The following THSD4 variants were observed in gnomAD, a reference collection of about 807,000 sequenced individuals.
THSD4 encodes thrombospondin type-1 domain-containing protein 4.
Under a neutral mutation model 119.0 loss-of-function variants are expected in THSD4, and 69 were observed. That is an observed-to-expected ratio of 0.58 (90% CI 0.48 to 0.71). THSD4 has a LOEUF of 0.71. THSD4 is among the 30% of genes least tolerant of loss of function. The pLI, the probability that THSD4 is intolerant of heterozygous loss-of-function variation, is 0.00. For synonymous variants in THSD4, 524 were observed against 540.4 expected, an observed-to-expected ratio of 0.97 and a Z score of 0.42; for missense variants, 1,393 against 1,391.1, an observed-to-expected ratio of 1.00 and a Z score of -0.02.
intron 7 of THSD4, among the ~76,000 whole-genome samples, chr15:71,630,271 A>G (rs11631031): frequency 0.79 from 119,476 of 152,046 alleles, 48,419 homozygotes; most frequent in Middle Eastern, 0.88. Flanking sequence ...GGGAGGGGAA[A>G]CGGGGATGCT....
At chr15:71,323,742 A>G (rs1297950713) in intron 6 of THSD4, among the ~76,000 whole-genome samples, 1 of 152,188 alleles carries the variant, frequency 6.6e-6, no homozygotes, top group Non-Finnish European at 1.5e-5. Context: ...GACTCTTAGA[A>G]ACAGACACAG....
chr15:71,595,345 GA>G (rs1326098299), intron 7 of THSD4, among the ~76,000 whole-genome samples: 1 of 152,196 alleles, frequency 6.6e-6, no homozygotes, highest in East Asian at 1.9e-4. Context: ...GTAATTTAAT[GA>G]TGGGGGCTGG....
chr15:71,377,474 A>G (rs2046153943), intron 6 of THSD4, among the ~76,000 whole-genome samples: 1 of 152,068 alleles, frequency 6.6e-6, no homozygotes, highest in Non-Finnish European at 1.5e-5. Context: ...GGGGTGGAGA[A>G]AAAAGTAGAA....
chr15:71,633,368 T>C (rs7172587), intron 7 of THSD4, among the ~76,000 whole-genome samples: 79,571 of 149,118 alleles, frequency 0.53, 21,524 homozygotes, highest in East Asian at 0.83. Context: ...CTCGACCTAC[T>C]GGGTTCAAGC....
intron 3 of THSD4, among the ~76,000 whole-genome samples, chr15:71,181,540 T>A (rs1017681487): frequency 6.6e-6 from 1 of 152,082 alleles, no homozygotes; most frequent in Admixed American, 6.6e-5. Context: ...ATCTCTGACT[T>A]CTTTCTGAGT....
At chr15:71,705,098 A>T (rs1321092085) in intron 8 of THSD4, among the ~76,000 whole-genome samples, 1 of 152,190 alleles carries the variant, frequency 6.6e-6, no homozygotes, top group African/African-American at 2.4e-5. Flanking sequence ...AAGAATGAAG[A>T]TAATCCTAAT....
intron 7 of THSD4, among the ~76,000 whole-genome samples, chr15:71,447,910 G>C (rs1399395483): frequency 6.6e-6 from 1 of 152,116 alleles, no homozygotes; most frequent in Non-Finnish European, 1.5e-5. Flanking sequence ...CACCTCCTGA[G>C]TCCATGTTCC....
chr15:71,374,071 T>G (rs1181939279), intron 6 of THSD4, among the ~76,000 whole-genome samples: 1 of 152,202 alleles, frequency 6.6e-6, no homozygotes. Flanking sequence ...TGTATTTTCT[T>G]GTGTGGAACA....
At chr15:71,218,319 G>A (rs1372349144) in intron 4 of THSD4, among the ~76,000 whole-genome samples, 1 of 152,190 alleles carries the variant, frequency 6.6e-6, no homozygotes, top group Non-Finnish European at 1.5e-5. Flanking sequence ...CCTCCTGCGG[G>A]TGCCAACTGA....
In THSD4 at chr15:71,315,689, A is replaced by T. The variant is rs559004951; in HGVS notation, c.1015+58974A>T. Among the ~76,000 whole-genome samples, 5 of 152,330 alleles carry T rather than the reference A, an allele frequency of 3.3e-5. No individual in the cohort carries two copies. In the East Asian group the frequency reaches 7.7e-4, roughly 23 times the overall value. On this transcript the variant is annotated intron_variant, in intron 6 of 17. Transcript: ENST00000261862. ...GCTTTGTTTGCAGATAAATCTCTAG[A>T]CCAGGGATTTAGAAAACACTATTTT...
At chr15:71,554,288 G>A (rs1207661523) in intron 7 of THSD4, among the ~76,000 whole-genome samples, 9 of 150,260 alleles carry the variant, frequency 6.0e-5, no homozygotes, top group Non-Finnish European at 1.5e-5. Flanking sequence ...AGTAGAGATG[G>A]GTTTCACCGT....
intron 7 of THSD4, among the ~76,000 whole-genome samples, chr15:71,497,446 G>C (rs976487574): frequency 6.6e-6 from 1 of 151,990 alleles, no homozygotes; most frequent in African/African-American, 2.4e-5. Context: ...CTGGAAGGCA[G>C]AGGCTGCAGT....
In THSD4 at chr15:71,215,377, C is replaced by T; in HGVS notation, c.442C>T (p.Leu148Phe). ...RGSRHPQPQG[L>F]EVTGDRRSRT... ...CAGCCGGCACCCACAGCCCCAGGGC[C>T]TCGAAGTCACTGGGGACAGAAGGTA... The change falls in exon 4 of 18, where the codon CTC becomes TTC. Residue 148 changes from leucine to phenylalanine, a missense_variant. Physicochemically the swap from Leu to Phe is conservative, Grantham distance 22. Coordinates refer to ENST00000261862, the MANE Select transcript of THSD4 (RefSeq NM_024817.3). 1.3e-6 allele frequency: 2 copies of T among 1,531,518 alleles called. No individual in the cohort carries two copies. The highest frequency in any genetic ancestry group is 1.2e-5 in the South Asian group (1 of 83,866). The allele number at this position is 1,531,518 out of a possible 1,614,324, so 94.9% of individuals were successfully genotyped here.
chr15:71,291,471 T>G (rs938704471), intron 6 of THSD4, among the ~76,000 whole-genome samples: 4 of 152,140 alleles, frequency 2.6e-5, no homozygotes, highest in African/African-American at 9.7e-5. Context: ...AATAATTCAG[T>G]TCAAGTCTGA....
At chr15:71,753,625 T>G (rs1191318411) in intron 14 of THSD4, among the ~76,000 whole-genome samples, 2 of 152,248 alleles carry the variant, frequency 1.3e-5, no homozygotes, top group Non-Finnish European at 2.9e-5. Context: ...CTCTTCTGAC[T>G]AGCAAAGCAG....
intron 7 of THSD4, among the ~76,000 whole-genome samples, chr15:71,619,072 C>G (rs1311201759): frequency 1.3e-5 from 2 of 151,840 alleles, no homozygotes; most frequent in African/African-American, 2.4e-5. Context: ...TGGGTTCAAG[C>G]AATTCTTCTG....
intron 6 of THSD4, among the ~76,000 whole-genome samples, chr15:71,403,176 A>G (rs770074365): frequency 4.6e-5 from 7 of 151,962 alleles, no homozygotes; most frequent in Non-Finnish European, 1.0e-4. Flanking sequence ...TAGATATTCT[A>G]TCTCCTGGAT....
chr15:71,456,942 A>G (rs1219496870), intron 7 of THSD4, among the ~76,000 whole-genome samples: 1 of 152,208 alleles, frequency 6.6e-6, no homozygotes, highest in Non-Finnish European at 1.5e-5. Context: ...CCTTCCCTCC[A>G]GAAGCTACAG....
intron 1 of THSD4, among the ~76,000 whole-genome samples, chr15:71,105,997 A>G (rs2040272983): frequency 6.6e-6 from 1 of 152,186 alleles, no homozygotes; most frequent in Admixed American, 6.5e-5. Flanking sequence ...GGGGGGTGGG[A>G]CAGGAAGTGA....
Sources: gnomAD v4.1 joint callset for allele counts (sites outside exome capture counted in the v4.1 genomes callset) on GRCh38, gnomAD v4.1.1 for gene constraint, MANE v1.5 for transcripts, NCBI Gene and HGNC (gene_info 2026-07-23, HGNC 2026-07-21) for gene names.